Variants in ANO4 observed in about 807,000 individuals in gnomAD.
ANO4 encodes the protein anoctamin 4, also known as anoctamin-4.
A neutral mutation model predicts 141.9 loss-of-function variants in ANO4; 69 were observed. That is an observed-to-expected ratio of 0.49 (90% CI 0.40 to 0.59). The LOEUF (loss-of-function observed/expected upper bound fraction) is 0.59, where lower values mean the gene tolerates loss of function less well. Among genes scored for constraint, ANO4 ranks in the 20% least tolerant of loss-of-function variants. The pLI is 0.00. For missense variants in ANO4, 894 were observed against 1,162.2 expected, an observed-to-expected ratio of 0.77 and a Z score of 3.36; for synonymous variants, 350 against 394.3, an observed-to-expected ratio of 0.89 and a Z score of 1.33.
intron 2 of ANO4, among the ~76,000 whole-genome samples, chr12:100,908,137 A>G (rs1442369554): frequency 6.6e-6 from 1 of 152,152 alleles, no homozygotes; most frequent in Admixed American, 6.6e-5. Flanking sequence ...AGGCGGGTGG[A>G]TCAGCTGAGG....
chr12:100,948,910 A>C (rs1227609277), intron 5 of ANO4, among the ~76,000 whole-genome samples: 1 of 152,224 alleles, frequency 6.6e-6, no homozygotes, highest in Non-Finnish European at 1.5e-5. Context: ...ATAAGATCTC[A>C]TCTCAGCAGA....
rs76394524 is a variant in ANO4, at chr12:101,051,872, C to T, written c.1312+3471C>T. Reference sequence around the variant, plus strand: ...AAAGGACTGCTATGCCTGTCCTGAGCCTCATTTATCCTGCTTTGAGACAGT... The same window carrying T: ...AAAGGACTGCTATGCCTGTCCTGAGTCTCATTTATCCTGCTTTGAGACAGT... On this transcript the variant is annotated intron_variant, in intron 14 of 27. Transcript: ENST00000392977. 9.4e-3 allele frequency among the ~76,000 whole-genome samples: 1,427 copies of T among 152,252 alleles called. 22 individuals carry two copies. Among genetic ancestry groups the T allele is most frequent in the African/African-American group, 0.032 (1,323 of 41,530 alleles).
At chr12:100,729,360 C>CAAAA (rs1156522144) in intron 1 of ANO4, among the ~76,000 whole-genome samples, 677 of 22,554 alleles carry the variant, frequency 0.03, 71 homozygotes, top group Non-Finnish European at 0.04. Context: ...AACTCTGTCT[C>CAAAA]AAAAAAAAAA....
chr12:101,022,550 CTT>C (rs1291313733), intron 9 of ANO4, among the ~76,000 whole-genome samples: 2 of 152,162 alleles, frequency 1.3e-5, no homozygotes, highest in African/African-American at 4.8e-5. Flanking sequence ...TAGAAACAAA[CTT>C]AGGATGTGCT....
Position 100,839,976 on chromosome 12 carries a change from T to G in ANO4, c.-141+44949T>G, listed in dbSNP as rs1392084201. On this transcript the variant is annotated intron_variant, in intron 1 of 27. Coordinates refer to ENST00000392977, the MANE Select transcript of ANO4 (RefSeq NM_001286615.2). ...ATGGAAATTATTTGACTGCATCAGC[T>G]AGTGCATCGTACTTCTGGTTATTTT... 5.9e-5 allele frequency among the ~76,000 whole-genome samples: 9 copies of G among 152,152 alleles called. 1 individual carries two copies. Among genetic ancestry groups the G allele is most frequent in the Admixed American group, 2.0e-4 (3 of 15,260 alleles).
chr12:100,884,554 C>T (rs1211539381), intron 1 of ANO4, among the ~76,000 whole-genome samples: 2 of 152,194 alleles, frequency 1.3e-5, no homozygotes, highest in African/African-American at 4.8e-5. Context: ...TTACCACACA[C>T]TCAGTGCCTT....
At position 101,042,620 on chromosome 12, in the gene ANO4, G is replaced by A. The variant is rs778599921; in HGVS notation, c.1154+152G>A. ...AAAACTCAAAGTTTCAGTTCACTAG[G>A]ACCTCTCCATCCATTGTCCTTGCTG... On this transcript the variant is annotated intron_variant, in intron 12 of 27. Transcript: ENST00000392977. 21 of 1,069,038 alleles carry A rather than the reference G, an allele frequency of 2.0e-5. No individual in the cohort carries two copies. In the East Asian group the frequency reaches 4.5e-4, roughly 23 times the overall value. 66.2% of individuals were successfully genotyped at this position (1,069,038 alleles called of 1,614,324 possible). A position where few individuals can be genotyped will look rare whatever the true frequency, so the allele number is the denominator to read the frequency against.
intron 8 of ANO4, among the ~76,000 whole-genome samples, chr12:101,011,272 CCAAA>C (rs929030163): frequency 6.9e-4 from 104 of 151,676 alleles, no homozygotes; most frequent in African/African-American, 2.3e-3. Flanking sequence ...AATTCACATC[CCAAA>C]GGAGTGTATA....
intron 14 of ANO4, chr12:101,068,965 CT>C (rs2048705103): frequency 1.3e-6 from 1 of 783,304 alleles, no homozygotes; most frequent in African/African-American, 1.7e-5. Context: ...CACCAAAGCC[CT>C]CATTGACTAT....
At chr12:100,777,655 C>A (rs2033570068) in intron 3 of ANO4, among the ~76,000 whole-genome samples, 1 of 151,946 alleles carries the variant, frequency 6.6e-6, no homozygotes, top group Admixed American at 6.5e-5. Flanking sequence ...ATAAATAGTG[C>A]CATTATTTTG....
chr12:101,024,342 T>C (rs2046648547), intron 9 of ANO4, among the ~76,000 whole-genome samples: 1 of 152,186 alleles, frequency 6.6e-6, no homozygotes, highest in African/African-American at 2.4e-5. Flanking sequence ...ATGCCTATAA[T>C]CCCAGCACTT....
chr12:101,063,627 C>G (rs1425844274), intron 14 of ANO4, among the ~76,000 whole-genome samples: 2 of 151,570 alleles, frequency 1.3e-5, no homozygotes, highest in East Asian at 3.9e-4. Flanking sequence ...GGTGTTATTT[C>G]CATCTTGAAT....
intron 3 of ANO4, among the ~76,000 whole-genome samples, chr12:100,927,061 A>G (rs141572226): frequency 1.3e-3 from 203 of 152,194 alleles, no homozygotes; most frequent in Admixed American, 2.9e-3. Context: ...GTGCTTACTA[A>G]TATTTGTTAG....
intron 22 of ANO4, 79 bp from the exon 23 acceptor site, chr12:101,110,325 C>G: frequency 7.1e-7 from 1 of 1,413,648 alleles, no homozygotes; most frequent in East Asian, 2.5e-5. Context: ...AAGACAATAA[C>G]ATATTCAGAT....
At chr12:100,727,903 A>G (rs2136775336) in intron 1 of ANO4, among the ~76,000 whole-genome samples, 1 of 152,288 alleles carries the variant, frequency 6.6e-6, no homozygotes. Flanking sequence ...TTGTACTTTT[A>G]CTTCAATCTT....
intron 3 of ANO4, among the ~76,000 whole-genome samples, chr12:100,777,520 G>A (rs1199616751): frequency 6.6e-6 from 1 of 151,886 alleles, no homozygotes; most frequent in Non-Finnish European, 1.5e-5. Context: ...ACTCCCCTTG[G>A]CTGGGAGACA....
rs150777699 is a variant in ANO4 at position 100,848,167 on chromosome 12, T to A, written c.-141+53140T>A. On this transcript the variant is annotated intron_variant, in intron 1 of 27. Coordinates refer to ENST00000392977, the MANE Select transcript of ANO4 (RefSeq NM_001286615.2). ...TCCTGTAGATTAGGACTTATAAATG[T>A]TCCCCTTCAGAGTACTAGCCTTGAT... is the stretch of plus-strand genomic sequence containing the variant. 3.9e-4 allele frequency among the ~76,000 whole-genome samples: 59 copies of A among 152,330 alleles called. No individual in the cohort carries two copies. The East Asian group carries it at 8.9e-3, about 23-fold the overall frequency.
chr12:101,018,702 G>A (rs369170675), intron 8 of ANO4, among the ~76,000 whole-genome samples: 4 of 152,062 alleles, frequency 2.6e-5, no homozygotes, highest in South Asian at 2.1e-4. Context: ...GCCACTCACC[G>A]GATCCCTGGG....
At chr12:100,773,537 A>G (rs1000459451) in intron 3 of ANO4, among the ~76,000 whole-genome samples, 3 of 152,224 alleles carry the variant, frequency 2.0e-5, no homozygotes, top group African/African-American at 7.2e-5. Flanking sequence ...TGCAAGAGGA[A>G]TTCCTACATT....
Sources: gnomAD v4.1 joint callset for allele counts (sites outside exome capture counted in the v4.1 genomes callset) on GRCh38, gnomAD v4.1.1 for gene constraint, MANE v1.5 for transcripts, NCBI Gene and HGNC (gene_info 2026-07-23, HGNC 2026-07-21) for gene names.